The following TAFA5 variants were observed in gnomAD, a reference collection of about 807,000 sequenced individuals.
TAFA5 encodes the protein TAFA chemokine like family member 5, also known as chemokine-like protein TAFA-5.
TAFA5 carries 6 observed loss-of-function variants against 15.3 expected under a neutral mutation model. The observed-to-expected ratio is 0.39, with a 90% confidence interval of 0.21 to 0.77. The LOEUF (loss-of-function observed/expected upper bound fraction) is 0.77, where lower values mean the gene tolerates loss of function less well. Ranked by LOEUF, TAFA5 falls within the 30% of genes least tolerant of loss-of-function variation. The pLI is 0.41. For synonymous variants in TAFA5, 103 were observed against 80.7 expected (o/e 1.28, Z -1.48); for missense variants, 161 against 193.1 (o/e 0.83, Z 0.98).
At position 48,640,831 on chromosome 22, in the gene TAFA5, G is replaced by A. The variant is rs115311498; in HGVS notation, c.113-5766G>A. Among the ~76,000 whole-genome samples, 1,258 of 151,698 alleles carry A rather than the reference G, an allele frequency of 8.3e-3. 14 individuals carry two copies. The highest frequency in any genetic ancestry group is 0.029 in the African/African-American group (1,200 of 41,222). On this transcript the variant is annotated intron_variant, in intron 1 of 3. Transcript: ENST00000402357. ...GGTGTTGGTGGGGGTCTGCCCTATG[G>A]GACAACTTCTGTCTGAAGCTGAGAC...
At chr22:48,747,392 G>C (rs948723783) in intron 3 of TAFA5, among the ~76,000 whole-genome samples, 2 of 152,188 alleles carry the variant, frequency 1.3e-5, no homozygotes, top group African/African-American at 4.8e-5. Context: ...CCTTCAGGGA[G>C]CAGCCCCAGG....
intron 1 of TAFA5, among the ~76,000 whole-genome samples, chr22:48,606,582 T>C (rs28360600): frequency 0.16 from 24,901 of 152,238 alleles, 2,555 homozygotes; most frequent in African/African-American, 0.29. Flanking sequence ...CTTACTTTCT[T>C]GTCTGATTTT....
chr22:48,726,139 A>C (rs1189073240), intron 3 of TAFA5, among the ~76,000 whole-genome samples: 1 of 152,230 alleles, frequency 6.6e-6, no homozygotes, highest in Non-Finnish European at 1.5e-5. Context: ...GACTTATGTA[A>C]ATATATGATT....
At chr22:48,659,216 T>C (rs1927350362) in intron 2 of TAFA5, among the ~76,000 whole-genome samples, 1 of 152,240 alleles carries the variant, frequency 6.6e-6, no homozygotes, top group South Asian at 2.1e-4. Flanking sequence ...CCCAGAATCA[T>C]AGCCGCAGCC....
intron 1 of TAFA5, among the ~76,000 whole-genome samples, chr22:48,561,988 C>T (rs1410799933): frequency 6.6e-6 from 1 of 152,128 alleles, no homozygotes; most frequent in Non-Finnish European, 1.5e-5. Context: ...TGCTCTCTGC[C>T]TCAGGGTCCC....
In TAFA5 at chr22:48,552,660, T is replaced by G. The variant is rs1922897393; in HGVS notation, c.112+62956T>G. Among the ~76,000 whole-genome samples, 1 of 152,166 alleles carries G rather than the reference T, an allele frequency of 6.6e-6. No individual in the cohort carries two copies. The highest frequency in any genetic ancestry group is 1.5e-5 in the Non-Finnish European group (1 of 68,000). On this transcript the variant is annotated intron_variant, in intron 1 of 3. Transcript: ENST00000402357. The surrounding 1 kb of genome is among the most constrained non-coding windows in gnomAD (Gnocchi z 4.1). The stretch of plus-strand genomic sequence containing the variant: ...GGGAGACCCCTTCCAGAGGGGCCCC[T>G]GTAGATTAGCTCAGCTTACTTGATT...
At chr22:48,584,106 C>T (rs1274194725) in intron 1 of TAFA5, among the ~76,000 whole-genome samples, 3 of 150,232 alleles carry the variant, frequency 2.0e-5, no homozygotes, top group Non-Finnish European at 3.0e-5. Flanking sequence ...CACACACACA[C>T]ACCACACACA....
At chr22:48,692,128 C>A (rs915426559) in intron 2 of TAFA5, among the ~76,000 whole-genome samples, 1 of 152,092 alleles carries the variant, frequency 6.6e-6, no homozygotes. Context: ...GGGAAGACAC[C>A]GAGACCTGAG....
At chr22:48,704,029 G>A (rs748966504) in intron 2 of TAFA5, among the ~76,000 whole-genome samples, 4 of 152,174 alleles carry the variant, frequency 2.6e-5, no homozygotes, top group East Asian at 1.9e-4. Flanking sequence ...CTGAGGCCCC[G>A]TTCAGCTCAA....
chr22:48,670,608 G>A (rs1927771908), intron 2 of TAFA5, among the ~76,000 whole-genome samples: 1 of 152,268 alleles, frequency 6.6e-6, no homozygotes, highest in Non-Finnish European at 1.5e-5. Flanking sequence ...CAGTAGCCGC[G>A]TGGCCTGGGC....
chr22:48,549,951 A>G (rs549710091), intron 1 of TAFA5, among the ~76,000 whole-genome samples: 15 of 152,352 alleles, frequency 9.8e-5, no homozygotes, highest in South Asian at 2.1e-4. Flanking sequence ...CGAGGTCCGA[A>G]TGATTTCCTT....
At chr22:48,554,863 CAGT>C (rs1922975921) in intron 1 of TAFA5, among the ~76,000 whole-genome samples, 1 of 152,222 alleles carries the variant, frequency 6.6e-6, no homozygotes, top group African/African-American at 2.4e-5. Flanking sequence ...TCTGCAGAGA[CAGT>C]GGGACACTCA....
chr22:48,538,734 C>T (rs927726818), intron 1 of TAFA5, among the ~76,000 whole-genome samples: 5 of 152,164 alleles, frequency 3.3e-5, no homozygotes, highest in African/African-American at 1.2e-4. Flanking sequence ...ACTCAACCTC[C>T]GGAGCTCATT....
At chr22:48,533,599 G>A (rs1031468881) in intron 1 of TAFA5, among the ~76,000 whole-genome samples, 4 of 152,196 alleles carry the variant, frequency 2.6e-5, no homozygotes, top group African/African-American at 9.6e-5. Flanking sequence ...ACCCCAAGCA[G>A]TGAGGCCCTC....
At chr22:48,496,188 G>A (rs569975632) in intron 1 of TAFA5, among the ~76,000 whole-genome samples, 1 of 152,210 alleles carries the variant, frequency 6.6e-6, no homozygotes, top group Non-Finnish European at 1.5e-5. Context: ...TGTGTGTTGT[G>A]GTGGCCACTG....
intron 1 of TAFA5, among the ~76,000 whole-genome samples, chr22:48,520,389 C>T (rs1921561908): frequency 6.6e-6 from 1 of 152,212 alleles, no homozygotes; most frequent in Non-Finnish European, 1.5e-5. Flanking sequence ...TCCATTCCAC[C>T]GTGCACGGGC....
At chr22:48,622,642 G>T (rs1238381503) in intron 1 of TAFA5, among the ~76,000 whole-genome samples, 1 of 152,250 alleles carries the variant, frequency 6.6e-6, no homozygotes, top group Non-Finnish European at 1.5e-5. Context: ...ACCATGGAGG[G>T]AGTCCTTGTC....
At chr22:48,532,595 A>G (rs1030463236) in intron 1 of TAFA5, among the ~76,000 whole-genome samples, 2 of 152,180 alleles carry the variant, frequency 1.3e-5, no homozygotes, top group East Asian at 1.9e-4. Context: ...TGCAGACACT[A>G]TAGTCACGTC....
At chr22:48,574,197 C>A (rs766271441) in intron 1 of TAFA5, among the ~76,000 whole-genome samples, 6 of 152,254 alleles carry the variant, frequency 3.9e-5, no homozygotes, top group Non-Finnish European at 7.3e-5. Context: ...AGATCCACAG[C>A]TGCTTAGTTG....
Sources: gnomAD v4.1 joint callset for allele counts (sites outside exome capture counted in the v4.1 genomes callset) on GRCh38, gnomAD v4.1.1 for gene constraint, Gnocchi (gnomAD v3.1) non-coding constraint, MANE v1.5 for transcripts, NCBI Gene and HGNC (gene_info 2026-07-23, HGNC 2026-07-21) for gene names.